COL23A1: variants seen among roughly 807,000 people sequenced by gnomAD.
The protein encoded by COL23A1 is collagen alpha-1(XXIII) chain.
COL23A1 carries 97 observed loss-of-function variants against 99.3 expected under a neutral mutation model. The ratio of observed to expected loss-of-function variants is 0.98; its 90% CI spans 0.83 to 1.16. The LOEUF (loss-of-function observed/expected upper bound fraction) is 1.16. COL23A1 is among the 50% of genes most tolerant of loss of function. The pLI is 0.00. For missense variants in COL23A1, 762 were observed against 757.4 expected (o/e 1.01, Z -0.07); for synonymous variants, 320 against 308.2 (o/e 1.04, Z -0.40).
chr5:178,584,249 ATC>A (rs1763805889), intron 1 of COL23A1, among the ~76,000 whole-genome samples: 1 of 151,340 alleles, frequency 6.6e-6, no homozygotes, highest in Non-Finnish European at 1.5e-5. Flanking sequence ...ACCTCAGGTG[ATC>A]CACCCACTTC....
chr5:178,571,985 G>A (rs144937282), intron 1 of COL23A1, among the ~76,000 whole-genome samples: 5,971 of 151,654 alleles, frequency 0.039, 159 homozygotes, highest in Middle Eastern at 0.18. Flanking sequence ...GGAGAATGGC[G>A]TGAACCTGAG....
chr5:178,381,299 C>A (rs1301071999), intron 2 of COL23A1, among the ~76,000 whole-genome samples: 1 of 152,192 alleles, frequency 6.6e-6, no homozygotes, highest in Non-Finnish European at 1.5e-5. Context: ...CTGCACCAGC[C>A]CAGGGGACCC....
At chr5:178,490,132 A>G (rs2127967654) in intron 2 of COL23A1, among the ~76,000 whole-genome samples, 1 of 152,226 alleles carries the variant, frequency 6.6e-6, no homozygotes, top group Middle Eastern at 3.4e-3. Flanking sequence ...AGGCTGAGGC[A>G]GAAGAATCGC....
At chr5:178,382,577 G>T (rs934339192) in intron 2 of COL23A1, among the ~76,000 whole-genome samples, 1 of 152,122 alleles carries the variant, frequency 6.6e-6, no homozygotes, top group Non-Finnish European at 1.5e-5. Context: ...CAGAGTGGGG[G>T]GTGAGGAGGG....
At chr5:178,456,535 C>T (rs936370520) in intron 2 of COL23A1, among the ~76,000 whole-genome samples, 4 of 152,216 alleles carry the variant, frequency 2.6e-5, no homozygotes, top group South Asian at 2.1e-4. Flanking sequence ...CCCGTCTCTA[C>T]TAAAAATACA....
chr5:178,559,045 C>T (rs1762421880), intron 2 of COL23A1, among the ~76,000 whole-genome samples: 2 of 152,182 alleles, frequency 1.3e-5, no homozygotes, highest in South Asian at 4.1e-4. Flanking sequence ...CTGCCTCGGC[C>T]TCCCAAAGTG....
Position 178,589,809 on chromosome 5 carries a change from C to T in COL23A1, c.294+95G>A. The T allele has an allele frequency of 8.7e-7, 1 of 1,153,060 alleles. No homozygotes were observed. The highest frequency in any genetic ancestry group is 1.1e-6 in the Non-Finnish European group (1 of 918,478). 71.4% of individuals were successfully genotyped at this position (1,153,060 alleles called of 1,614,324 possible). ...CACGCAGCCGGCGGGCGACCCTCCT[C>T]CCAGAGACCTGCACGCTGCCCCCGG... On this transcript the variant is annotated intron_variant, in intron 1 of 28. Transcript: ENST00000390654. The surrounding 1 kb of genome is among the most constrained non-coding windows in gnomAD (Gnocchi z 5.4).
chr5:178,270,300 G>A, intron 6 of COL23A1, 37 bp downstream of exon 6: 1 of 1,613,052 alleles, frequency 6.2e-7, no homozygotes, highest in Middle Eastern at 1.7e-4. Flanking sequence ...GGCAGCCCCA[G>A]CCCAGGACCC....
At chr5:178,540,152 C>T (rs772862586) in intron 2 of COL23A1, among the ~76,000 whole-genome samples, 4 of 152,112 alleles carry the variant, frequency 2.6e-5, no homozygotes, top group Admixed American at 6.6e-5. Context: ...CTATTCAGCA[C>T]TACTGAAGGT....
At chr5:178,397,945 C>T (rs1456437504) in intron 2 of COL23A1, among the ~76,000 whole-genome samples, 2 of 152,024 alleles carry the variant, frequency 1.3e-5, no homozygotes, top group Non-Finnish European at 2.9e-5. Flanking sequence ...AGAGATCACA[C>T]CACTGCACTC....
At position 178,271,396 on chromosome 5, in the gene COL23A1, T is replaced by C. The variant is rs865960780; in HGVS notation, c.442-1033A>G. Among the ~76,000 whole-genome samples the C allele has an allele frequency of 3.3e-5, 5 of 152,332 alleles. 1 individual carries two copies. The South Asian group carries it at 1.0e-3, about 32-fold the overall frequency. On this transcript the variant is annotated intron_variant, in intron 5 of 28. Coordinates refer to ENST00000390654, the MANE Select transcript of COL23A1 (RefSeq NM_173465.4). ...TCCACCTGCCGGGCACATCCTTCCC[T>C]TCTTTGTCCATCTTCAGCTCAGTTA...
chr5:178,240,660 G>A (rs991483308), intron 27 of COL23A1, among the ~76,000 whole-genome samples: 15 of 152,330 alleles, frequency 9.8e-5, no homozygotes, highest in Middle Eastern at 3.4e-3. Context: ...TGACCACTTC[G>A]CTCTTCAAGT....
intron 2 of COL23A1, among the ~76,000 whole-genome samples, chr5:178,453,014 T>C (rs1045083690): frequency 6.6e-6 from 1 of 152,136 alleles, no homozygotes; most frequent in African/African-American, 2.4e-5. Flanking sequence ...GGAATGCCCA[T>C]GAGCAGAGGT....
chr5:178,342,742 G>T (rs1311266566), intron 2 of COL23A1, among the ~76,000 whole-genome samples: 2 of 151,874 alleles, frequency 1.3e-5, no homozygotes, highest in Non-Finnish European at 2.9e-5. Flanking sequence ...ATCTCTTAGT[G>T]TTATAAACTC....
intron 2 of COL23A1, among the ~76,000 whole-genome samples, chr5:178,536,570 G>C (rs1760975982): frequency 6.6e-6 from 1 of 152,210 alleles, no homozygotes; most frequent in African/African-American, 2.4e-5. Flanking sequence ...TCCCCTGCAA[G>C]GTCTGAGGCC....
rs1020295251 is a variant in COL23A1, at chr5:178,304,400, C to T, written c.406+2475G>A. Among the ~76,000 whole-genome samples the T allele has an allele frequency of 2.0e-5, 3 of 148,608 alleles. No homozygotes were observed. The Admixed American group carries it at 2.1e-4, about 10-fold the overall frequency. On this transcript the variant is annotated intron_variant, in intron 3 of 28. Transcript: ENST00000390654. Reference sequence around the variant, plus strand: ...GTGACGCGTGCCTGTAATCCAGCTACTGAGGTGGCTGAGACATGAGAATCG... The same window carrying T: ...GTGACGCGTGCCTGTAATCCAGCTATTGAGGTGGCTGAGACATGAGAATCG...
rs538430399 is a variant in COL23A1 at position 178,309,015 on chromosome 5, C to T, written c.362-2096G>A. Among the ~76,000 whole-genome samples the T allele has an allele frequency of 2.0e-4, 30 of 152,276 alleles. No homozygotes were observed. Among genetic ancestry groups the T allele is most frequent in the Non-Finnish European group, 3.2e-4 (22 of 68,022 alleles). The stretch of plus-strand genomic sequence containing the variant: ...CTCGGCCCAGCGAAGCAGTAGGCCC[C>T]GGGCCCCAGGCAGAGTGAGGGGGCA... On this transcript the variant is annotated intron_variant, in intron 2 of 28. Transcript: ENST00000390654. The surrounding 1 kb of genome is among the most constrained non-coding windows in gnomAD (Gnocchi z 4.7).
chr5:178,531,381 A>G (rs943298298), intron 2 of COL23A1, among the ~76,000 whole-genome samples: 1 of 152,170 alleles, frequency 6.6e-6, no homozygotes, highest in East Asian at 1.9e-4. Flanking sequence ...TGCTCTCCGC[A>G]TGACCTGCCT....
At chr5:178,549,648 T>G (rs962255137) in intron 2 of COL23A1, among the ~76,000 whole-genome samples, 25 of 152,196 alleles carry the variant, frequency 1.6e-4, no homozygotes, top group African/African-American at 5.5e-4. Context: ...AAACCCTGTC[T>G]CTACTAAATA....
Sources: gnomAD v4.1 joint callset for allele counts (sites outside exome capture counted in the v4.1 genomes callset) on GRCh38, gnomAD v4.1.1 for gene constraint, Gnocchi (gnomAD v3.1) non-coding constraint, MANE v1.5 for transcripts, NCBI Gene and HGNC (gene_info 2026-07-23, HGNC 2026-07-21) for gene names.